Variants in RCOR2 observed in about 807,000 individuals in gnomAD.
The protein encoded by RCOR2 is REST corepressor 2.
RCOR2 carries 19 observed loss-of-function variants against 58.9 expected under a neutral mutation model. The ratio of observed to expected loss-of-function variants is 0.32; its 90% CI spans 0.23 to 0.47. RCOR2 has a LOEUF of 0.47. RCOR2 is among the 20% of genes least tolerant of loss of function. The pLI, the probability that RCOR2 is intolerant of heterozygous loss-of-function variation, is 1.00. For synonymous variants in RCOR2, 286 were observed against 278.7 expected (o/e 1.03, Z -0.26); for missense variants, 590 against 707.9 (o/e 0.83, Z 1.89).
Position 63,911,790 on chromosome 11 carries a change from C to T in RCOR2, c.*75G>A. 7 of 1,461,746 alleles carry T rather than the reference C, an allele frequency of 4.8e-6. No homozygotes were observed. Among genetic ancestry groups the T allele is most frequent in the Non-Finnish European group, 6.2e-6 (7 of 1,122,116 alleles). The allele number at this position is 1,461,746 out of a possible 1,614,324, so 90.5% of individuals were successfully genotyped here. A position where few individuals can be genotyped will look rare whatever the true frequency, so the allele number is the denominator to read the frequency against. On this transcript the variant is annotated 3_prime_UTR_variant, in exon 12 of 12. Transcript: ENST00000301459. ...CCAGAGCCCTAGTCCCTTCTGTCCT[C>T]AGTGACACCAGAGATGCCTGGGGAT...
the RCOR2 span, among the ~76,000 whole-genome samples, chr11:63,927,417 G>A: frequency 4.7e-4 from 71 of 152,158 alleles, no homozygotes; most frequent in African/African-American, 1.7e-3. Context: ...CTACAGGTGT[G>A]TGCCACCACA....
intron 5 of RCOR2, 42 bp downstream of exon 5, chr11:63,914,613 G>A (rs1262783567): frequency 4.4e-6 from 7 of 1,607,256 alleles, no homozygotes; most frequent in Non-Finnish European, 6.0e-6. Flanking sequence ...TCAGAAAGGA[G>A]GGGCAGAGGA....
chr11:63,920,484 G>A (rs1941908911), upstream of RCOR2, among the ~76,000 whole-genome samples: 2 of 152,258 alleles, frequency 1.3e-5, no homozygotes, highest in Non-Finnish European at 2.9e-5. Flanking sequence ...CCGCTGTGGT[G>A]TGTTGCCTGG....
At chr11:63,915,380 GGGGCAGAGACCCAGACAGGAAGGCA>G in intron 2 of RCOR2, 122 bp from the exon 3 acceptor site, 4 of 1,122,764 alleles carry the variant, frequency 3.6e-6, no homozygotes, top group South Asian at 2.7e-5. Context: ...AAGGGAAGGA[GGGGCAGAGACCCAGACAGGAAGGCA>G]GGGCAGGAAA....
the RCOR2 span, among the ~76,000 whole-genome samples, chr11:63,926,314 C>T: frequency 6.6e-6 from 1 of 152,094 alleles, no homozygotes; most frequent in Non-Finnish European, 1.5e-5. Context: ...CAATCAAAGC[C>T]TCAGAAATAA....
At chr11:63,913,826 A>T in intron 8 of RCOR2, 128 bp downstream of exon 8, 1 of 892,054 alleles carries the variant, frequency 1.1e-6, no homozygotes, top group Non-Finnish European at 1.8e-6. Flanking sequence ...ACACCACATT[A>T]CTCAGAGTCC....
At chr11:63,920,569 C>T (rs1307350481), upstream of RCOR2, among the ~76,000 whole-genome samples, 1 of 151,356 alleles carries the variant, frequency 6.6e-6, no homozygotes, top group Non-Finnish European at 1.5e-5. Flanking sequence ...GGGAGGGCCC[C>T]GGGGTTGGGG....
upstream of RCOR2, among the ~76,000 whole-genome samples, chr11:63,920,676 C>G (rs2134251752): frequency 6.6e-6 from 1 of 152,200 alleles, no homozygotes; most frequent in South Asian, 2.1e-4. Flanking sequence ...GGAGGTGACC[C>G]TGGGGAAATG....
At position 63,914,140 on chromosome 11, in the gene RCOR2, G is replaced by A. The variant is rs1189831075; in HGVS notation, c.705C>T (p.Arg235=). 7.4e-6 allele frequency: 12 copies of A among 1,613,908 alleles called. No homozygotes were observed. The highest frequency in any genetic ancestry group is 1.0e-5 in the Non-Finnish European group (12 of 1,180,016). Residue 235 remains arginine (R), a synonymous_variant, in exon 8 of 12, where the codon CGC becomes CGT. Transcript: ENST00000301459. The part of the protein sequence containing the change: ...EPLPSRPLNA[R]PGPGKKEVQV... ...GGACCTCCTTTTTCCCAGGGCCTGGGCGTGCATTCAGGGGCCGAGAGGGTA... is the reference window on the plus strand; with the variant it reads ...GGACCTCCTTTTTCCCAGGGCCTGGACGTGCATTCAGGGGCCGAGAGGGTA...
At chr11:63,921,280 G>T (rs1941914593), upstream of RCOR2, among the ~76,000 whole-genome samples, 1 of 152,222 alleles carries the variant, frequency 6.6e-6, no homozygotes, top group Non-Finnish European at 1.5e-5. Context: ...GACAACAGCT[G>T]CGCCCTCTGG....
chr11:63,916,600 T>C lies in RCOR2; in HGVS notation c.-144A>G. ...AGGCAGGAGGTCAGCGTGGCTAGGG[T>C]CCGGCGGGGTGGGAGCCCACCTGGT... is the stretch of plus-strand genomic sequence containing the variant. On this transcript the variant is annotated 5_prime_UTR_variant, in exon 1 of 12. Transcript: ENST00000301459. 1 of 1,375,506 alleles carries C rather than the reference T, an allele frequency of 7.3e-7. No individual in the cohort carries two copies. Among genetic ancestry groups the C allele is most frequent in the Non-Finnish European group, 9.5e-7 (1 of 1,048,372 alleles). The allele number at this position is 1,375,506 out of a possible 1,614,324, so 85.2% of individuals were successfully genotyped here. A position where few individuals can be genotyped will look rare whatever the true frequency, so the allele number is the denominator to read the frequency against.
At chr11:63,925,884 C>T in the RCOR2 span, among the ~76,000 whole-genome samples, 1 of 151,850 alleles carries the variant, frequency 6.6e-6, no homozygotes, top group South Asian at 2.1e-4. Context: ...CAACCAACCT[C>T]ACTTGAAGTC....
At chr11:63,925,676 G>A in the RCOR2 span, among the ~76,000 whole-genome samples, 1 of 151,594 alleles carries the variant, frequency 6.6e-6, no homozygotes, top group Non-Finnish European at 1.5e-5. Context: ...AAATTAGCCA[G>A]GTGTGGTGGC....
At chr11:63,913,165 T>C (rs1941802335) in intron 8 of RCOR2, among the ~76,000 whole-genome samples, 1 of 49,140 alleles carries the variant, frequency 2.0e-5, no homozygotes, top group Non-Finnish European at 4.5e-5. Flanking sequence ...TTATTTTTTA[T>C]ATATATATAT....
Position 63,912,130 on chromosome 11 carries a change from G to A in RCOR2, c.1307C>T (p.Ala436Val), listed in dbSNP as rs773816549. The change falls in exon 12 of 12, where the codon GCG becomes GTG. Residue 436 changes from alanine to valine, a missense_variant. This residue lies in a region of RCOR2 where 196 missense variants were observed against 210.7 expected (regional missense o/e 0.93). Transcript: ENST00000301459. Reference protein sequence around the residue: ...STSVPRSVPPAPPPPPPPTSL... With the variant: ...STSVPRSVPPVPPPPPPPTSL... ...GGTGGGAGGTGGAGGGGGTGGTGGC[G>A]CAGGGGGCACTGATCGGGGCACGGA... is the stretch of plus-strand genomic sequence containing the variant. 5.3e-6 allele frequency: 8 copies of A among 1,500,610 alleles called. No individual in the cohort carries two copies. The highest frequency in any genetic ancestry group is 4.7e-5 in the Admixed American group (2 of 42,368). The allele number at this position is 1,500,610 out of a possible 1,614,324, so 93.0% of individuals were successfully genotyped here. A position where few individuals can be genotyped will look rare whatever the true frequency, so the allele number is the denominator to read the frequency against.
At chr11:63,927,546 G>T in the RCOR2 span, among the ~76,000 whole-genome samples, 2 of 152,160 alleles carry the variant, frequency 1.3e-5, no homozygotes, top group African/African-American at 2.4e-5. Context: ...TGGGATTACA[G>T]GTATGAGCCA....
In RCOR2 at chr11:63,916,739, T is replaced by A; in HGVS notation, c.-283A>T. On this transcript the variant is annotated 5_prime_UTR_variant, in exon 1 of 12. Transcript: ENST00000301459. ...CGGTGCGGCTGGGGCGTGATTACTA[T>A]GTACGCCCCTCAGGGTTGGGGTTCC... 1 of 428,274 alleles carries A rather than the reference T, an allele frequency of 2.3e-6. No homozygotes were observed. The allele number at this position is 428,274 out of a possible 1,614,324, so 26.5% of individuals were successfully genotyped here. A position where few individuals can be genotyped will look rare whatever the true frequency, so the allele number is the denominator to read the frequency against.
At chr11:63,922,244 G>C in the RCOR2 span, among the ~76,000 whole-genome samples, 1 of 152,154 alleles carries the variant, frequency 6.6e-6, no homozygotes, top group Non-Finnish European at 1.5e-5. Flanking sequence ...AACACAAAAT[G>C]GACTAAGATA....
chr11:63,912,174 C>G lies in RCOR2; in HGVS notation c.1263G>C (p.Gln421His). The G allele has an allele frequency of 6.4e-7, 1 of 1,560,494 alleles. No homozygotes were observed. The highest frequency in any genetic ancestry group is 1.2e-5 in the South Asian group (1 of 86,150). Reference protein sequence around the residue: ...APALEEDDEVQITSVSTSVPR... With the variant: ...APALEEDDEVHITSVSTSVPR... ...GCACGGACGTGGAGACCGATGTAAT[C>G]TGGACCTGAGGGGAGAGGAAAGAGT... The change falls in exon 12 of 12, where the codon CAG becomes CAC. Residue 421 changes from glutamine to histidine, a missense_variant. This residue lies in a region of RCOR2 where 196 missense variants were observed against 210.7 expected (regional missense o/e 0.93). Coordinates refer to ENST00000301459, the MANE Select transcript of RCOR2 (RefSeq NM_173587.4).
Sources: allele counts gnomAD v4.1 joint callset (sites outside exome capture counted in the v4.1 genomes callset), GRCh38; gene constraint gnomAD v4.1.1; regional missense constraint gnomAD v4.1.1; transcripts MANE v1.5; gene names NCBI Gene and HGNC (gene_info 2026-07-23, HGNC 2026-07-21).